NUP54: variants seen among roughly 807,000 people sequenced by gnomAD.
The protein encoded by NUP54 is nucleoporin 54, also known as nucleoporin p54.
NUP54 carries 27 observed loss-of-function variants against 66.4 expected under a neutral mutation model. That is an observed-to-expected ratio of 0.41 (90% CI 0.30 to 0.56). The LOEUF is 0.56. Among genes scored for constraint, NUP54 ranks in the 20% least tolerant of loss-of-function variants. NUP54 has a pLI of 0.34. For missense variants in NUP54, 486 were observed against 596.3 expected (o/e 0.82, Z 1.93); for synonymous variants, 206 against 210.7 (o/e 0.98, Z 0.19).
In NUP54 at chr4:76,115,272, C is replaced by G; in HGVS notation, c.*94G>C. 5 of 1,148,770 alleles carry G rather than the reference C, an allele frequency of 4.4e-6. No individual in the cohort carries two copies. Among genetic ancestry groups the G allele is most frequent in the Non-Finnish European group, 5.8e-6 (5 of 860,670 alleles). 71.2% of individuals were successfully genotyped at this position (1,148,770 alleles called of 1,614,324 possible). On this transcript the variant is annotated 3_prime_UTR_variant, in exon 12 of 12. Coordinates refer to ENST00000264883, the MANE Select transcript of NUP54 (RefSeq NM_017426.4). ...AACCAATCCAAGAAAGAATTGTTTT[C>G]TTTTTCCCTCCATGTGGTCGGTTTC...
At chr4:76,117,440 G>A (rs1348097067) in intron 11 of NUP54, among the ~76,000 whole-genome samples, 2 of 152,094 alleles carry the variant, frequency 1.3e-5, no homozygotes, top group Non-Finnish European at 2.9e-5. Flanking sequence ...ATATCCAGAA[G>A]TAGACCTGCT....
intron 9 of NUP54, among the ~76,000 whole-genome samples, chr4:76,119,843 T>G (rs1730149435): frequency 6.6e-6 from 1 of 152,112 alleles, no homozygotes. Context: ...AACCATATCT[T>G]TTTCATAAAC....
rs563604252 is a variant in NUP54 at position 76,132,829 on chromosome 4, T to C, written c.711-110A>G. The C allele has an allele frequency of 8.6e-4, 714 of 825,930 alleles. 13 individuals are homozygous for C. In the South Asian group the frequency reaches 0.014, roughly 16 times the overall value. 51.2% of individuals were successfully genotyped at this position (825,930 alleles called of 1,614,324 possible). ...GAAGGGTTTAAGTTGAATTCAGAAA[T>C]GGTTGTTTTAGGAGGCAATTAAAAT... is the stretch of plus-strand genomic sequence containing the variant. On this transcript the variant is annotated intron_variant, in intron 5 of 11. Transcript: ENST00000264883.
chr4:76,131,377 T>C (rs13126384), intron 6 of NUP54, 93 bp from the exon 7 acceptor site: 290,685 of 641,630 alleles, frequency 0.45, 71,752 homozygotes, highest in East Asian at 0.91. Context: ...ACCCTATACC[T>C]AGAAGCTATA....
At chr4:76,140,999 C>G (rs1353351515) in intron 3 of NUP54, among the ~76,000 whole-genome samples, 1 of 152,184 alleles carries the variant, frequency 6.6e-6, no homozygotes, top group Non-Finnish European at 1.5e-5. Context: ...ATCCAACAGT[C>G]TTCTGAAGGA....
chr4:76,145,317 CAAAAAA>C (rs58518890), intron 1 of NUP54, among the ~76,000 whole-genome samples: 1 of 101,578 alleles, frequency 9.8e-6, no homozygotes. Flanking sequence ...GACTCCGTCT[CAAAAAA>C]AAAAAAAAAA....
At chr4:76,125,778 AGAGAGGGG>A (rs1730495327) in intron 8 of NUP54, among the ~76,000 whole-genome samples, 1 of 14,858 alleles carries the variant, frequency 6.7e-5, no homozygotes, top group Non-Finnish European at 1.0e-4. Context: ...GGAGAGAGGG[AGAGAGGGG>A]GAGAGAGGGA....
At position 76,148,288 on chromosome 4, in the gene NUP54, G is replaced by A; in HGVS notation, c.67+20C>T. 2 of 1,458,444 alleles carry A rather than the reference G, an allele frequency of 1.4e-6. No individual in the cohort carries two copies. Among genetic ancestry groups the A allele is most frequent in the Non-Finnish European group, 1.8e-6 (2 of 1,099,972 alleles). The allele number at this position is 1,458,444 out of a possible 1,614,324, so 90.3% of individuals were successfully genotyped here. A position where few individuals can be genotyped will look rare whatever the true frequency, so the allele number is the denominator to read the frequency against. Reference sequence around the variant, plus strand: ...ACCCTTCCCCTTCTTCCCGGGTGAAGGTCTAGGGGGATCACTCACCCGCGG... The same window carrying A: ...ACCCTTCCCCTTCTTCCCGGGTGAAAGTCTAGGGGGATCACTCACCCGCGG... On this transcript the variant is annotated intron_variant, in intron 1 of 11. Coordinates refer to ENST00000264883, the MANE Select transcript of NUP54 (RefSeq NM_017426.4).
At chr4:76,130,902 G>A (rs1343394510) in intron 7 of NUP54, 153 bp from the exon 8 acceptor site, 3 of 619,854 alleles carry the variant, frequency 4.8e-6, no homozygotes, top group African/African-American at 3.7e-5. Flanking sequence ...TTATACCAAA[G>A]AGATTTTATT....
intron 1 of NUP54, chr4:76,146,018 C>T: frequency 2.6e-6 from 1 of 378,100 alleles, no homozygotes; most frequent in Non-Finnish European, 5.2e-6. Flanking sequence ...TTTCATTATT[C>T]TTCACTTCCA....
intron 8 of NUP54, among the ~76,000 whole-genome samples, chr4:76,125,340 A>ACGCGCGCGCG (rs1236278261): frequency 1.3e-5 from 2 of 148,786 alleles, no homozygotes; most frequent in Admixed American, 1.3e-4. Flanking sequence ...ACACACACAC[A>ACGCGCGCGCG]CACACACACA....
At chr4:76,133,616 A>G (rs1285581460) in intron 5 of NUP54, among the ~76,000 whole-genome samples, 3 of 152,110 alleles carry the variant, frequency 2.0e-5, no homozygotes, top group Non-Finnish European at 4.4e-5. Flanking sequence ...CAATAAGATA[A>G]TATTTATAAA....
intron 8 of NUP54, among the ~76,000 whole-genome samples, chr4:76,125,689 A>G (rs1297429177): frequency 1.7e-4 from 3 of 17,746 alleles, no homozygotes; most frequent in Non-Finnish European, 2.0e-4. Context: ...AGGGAGAGGG[A>G]GAGAGGGAGA....
rs571948364 is a variant in NUP54, at chr4:76,131,361, A to G, written c.908-77T>C. 8.5e-6 allele frequency: 7 copies of G among 818,800 alleles called. No individual in the cohort carries two copies. The African/African-American group carries it at 1.1e-4, about 12-fold the overall frequency. The allele number at this position is 818,800 out of a possible 1,614,324, so 50.7% of individuals were successfully genotyped here. On this transcript the variant is annotated intron_variant, in intron 6 of 11. Transcript: ENST00000264883. ...ATGTGTATGACAAAGGCTTTCCTAA[A>G]GCAAGACCCTATACCTAGAAGCTAT...
intron 8 of NUP54, among the ~76,000 whole-genome samples, chr4:76,129,637 G>A (rs1178744095): frequency 6.6e-6 from 1 of 152,138 alleles, no homozygotes; most frequent in Admixed American, 6.5e-5. Context: ...AGGCCGAGAT[G>A]GGTGGATCAC....
At chr4:76,137,468 T>C (rs1218647149) in intron 3 of NUP54, among the ~76,000 whole-genome samples, 1 of 152,214 alleles carries the variant, frequency 6.6e-6, no homozygotes, top group Non-Finnish European at 1.5e-5. Context: ...TATATTTATA[T>C]AATAAATACA....
At chr4:76,131,778 C>CAG (rs1223397925) in intron 6 of NUP54, among the ~76,000 whole-genome samples, 1 of 151,884 alleles carries the variant, frequency 6.6e-6, no homozygotes, top group African/African-American at 2.4e-5. Flanking sequence ...ATTTCATTAC[C>CAG]AGAGATCTAT....
At position 76,118,127 on chromosome 4, in the gene NUP54, C is replaced by CG; in HGVS notation, c.1231dup (p.Arg411ProfsTer10). 6.2e-7 allele frequency: 1 copy of CG among 1,613,738 alleles called. No individual in the cohort carries two copies. The highest frequency in any genetic ancestry group is 1.1e-5 in the South Asian group (1 of 91,066). On this transcript the variant is annotated frameshift_variant, in exon 10 of 12. Coordinates refer to ENST00000264883, the MANE Select transcript of NUP54 (RefSeq NM_017426.4). LOFTEE classifies it high-confidence loss of function. ...ACCCTGAATCGTATCCAGCTGAACT[C>CG]GCAACTGCTCTTCATCAGCCTGAAT...
intron 10 of NUP54, 92 bp from the exon 11 acceptor site, chr4:76,117,866 A>G (rs1428519667): frequency 2.6e-6 from 3 of 1,145,928 alleles, no homozygotes; most frequent in Non-Finnish European, 3.8e-6. Context: ...AAAACCATCT[A>G]TTAAAAATTT....
Sources: gnomAD v4.1 joint callset for allele counts (sites outside exome capture counted in the v4.1 genomes callset) on GRCh38, gnomAD v4.1.1 for gene constraint, MANE v1.5 for transcripts, NCBI Gene and HGNC (gene_info 2026-07-23, HGNC 2026-07-21) for gene names.